FCHSD2: variants seen among roughly 807,000 people sequenced by gnomAD.
The protein encoded by FCHSD2 is F-BAR and double SH3 domains protein 2.
A neutral mutation model predicts 108.1 loss-of-function variants in FCHSD2; 38 were observed. That is an observed-to-expected ratio of 0.35 (90% CI 0.27 to 0.46). The LOEUF is 0.46. FCHSD2 is among the 20% of genes least tolerant of loss of function. The pLI is 1.00. For synonymous variants in FCHSD2, 279 were observed against 314.7 expected (o/e 0.89, Z 1.20); for missense variants, 751 against 897.8 (o/e 0.84, Z 2.09).
At chr11:73,050,945 T>C (rs1858884323) in intron 3 of FCHSD2, among the ~76,000 whole-genome samples, 3 of 152,186 alleles carry the variant, frequency 2.0e-5, no homozygotes, top group Non-Finnish European at 4.4e-5. Flanking sequence ...AACAGGCAAG[T>C]ACAGAAATTG....
At chr11:72,910,436 T>C (rs1273312499) in intron 9 of FCHSD2, among the ~76,000 whole-genome samples, 1 of 152,140 alleles carries the variant, frequency 6.6e-6, no homozygotes, top group African/African-American at 2.4e-5. Context: ...TGTGTCTGTG[T>C]AGAAAGAAGT....
chr11:73,052,869 T>C (rs1032292555), intron 3 of FCHSD2, among the ~76,000 whole-genome samples: 2 of 152,152 alleles, frequency 1.3e-5, no homozygotes, highest in African/African-American at 4.8e-5. Flanking sequence ...CTTTTTGAGA[T>C]GGAGTCTCAC....
intron 8 of FCHSD2, among the ~76,000 whole-genome samples, chr11:72,968,756 A>G (rs1856958424): frequency 6.6e-6 from 1 of 152,210 alleles, no homozygotes. Flanking sequence ...TACAGAAGTC[A>G]GGATGCTCTG....
At chr11:72,840,332 C>T (rs189462062) in intron 19 of FCHSD2, among the ~76,000 whole-genome samples, 20 of 152,238 alleles carry the variant, frequency 1.3e-4, no homozygotes, top group Non-Finnish European at 2.2e-4. Context: ...TAATAGGGGT[C>T]AAGGAAAATA....
At chr11:72,917,598 A>G (rs1855899248) in intron 9 of FCHSD2, among the ~76,000 whole-genome samples, 1 of 152,188 alleles carries the variant, frequency 6.6e-6, no homozygotes. Context: ...ATTAATTCGA[A>G]GACTGGGCCG....
At chr11:73,056,454 A>G (rs1411808156) in intron 3 of FCHSD2, among the ~76,000 whole-genome samples, 1 of 152,228 alleles carries the variant, frequency 6.6e-6, no homozygotes, top group Non-Finnish European at 1.5e-5. Context: ...CCTAGATTCT[A>G]AAAGTCATAC....
intron 5 of FCHSD2, among the ~76,000 whole-genome samples, chr11:72,994,355 T>C (rs1374088146): frequency 6.6e-6 from 1 of 152,174 alleles, no homozygotes; most frequent in Non-Finnish European, 1.5e-5. Flanking sequence ...TATTATCACA[T>C]TTAGTCCTTG....
chr11:72,866,127 C>G (rs72969855), intron 13 of FCHSD2, among the ~76,000 whole-genome samples: 10 of 152,208 alleles, frequency 6.6e-5, no homozygotes, highest in Admixed American at 4.6e-4. Flanking sequence ...CTGTAGAAGC[C>G]CAAATCAAGT....
chr11:73,041,887 T>C (rs562102142), intron 3 of FCHSD2, among the ~76,000 whole-genome samples: 2 of 152,294 alleles, frequency 1.3e-5, no homozygotes, highest in African/African-American at 4.8e-5. Flanking sequence ...TTTTATAGTT[T>C]TGGGTCCTAG....
intron 4 of FCHSD2, among the ~76,000 whole-genome samples, chr11:73,004,979 A>G (rs903144803): frequency 2.0e-5 from 3 of 152,102 alleles, no homozygotes; most frequent in Non-Finnish European, 4.4e-5. Flanking sequence ...GCACCCATAC[A>G]TTATGCCAAT....
chr11:72,936,714 A>G (rs1272980336), intron 8 of FCHSD2, among the ~76,000 whole-genome samples: 1 of 152,194 alleles, frequency 6.6e-6, no homozygotes, highest in Non-Finnish European at 1.5e-5. Flanking sequence ...GAACACTTAT[A>G]GTATATCTTT....
At chr11:73,071,795 T>A (rs1184521415) in intron 3 of FCHSD2, among the ~76,000 whole-genome samples, 1 of 152,060 alleles carries the variant, frequency 6.6e-6, no homozygotes, top group African/African-American at 2.4e-5. Flanking sequence ...GTGTCCACAA[T>A]TATAAAATGG....
At chr11:72,959,419 T>C (rs1174427704) in intron 8 of FCHSD2, among the ~76,000 whole-genome samples, 1 of 149,570 alleles carries the variant, frequency 6.7e-6, no homozygotes, top group East Asian at 2.0e-4. Context: ...GTATTTTTAG[T>C]AGAGACGGGG....
intron 8 of FCHSD2, among the ~76,000 whole-genome samples, chr11:72,975,066 G>A (rs187682335): frequency 4.7e-4 from 72 of 152,296 alleles, no homozygotes; most frequent in Middle Eastern, 3.4e-3. Context: ...AACCGAAAAA[G>A]AACTTGGCTT....
intron 2 of FCHSD2, among the ~76,000 whole-genome samples, chr11:73,139,373 G>A (rs1255347711): frequency 6.6e-6 from 1 of 152,238 alleles, no homozygotes; most frequent in Non-Finnish European, 1.5e-5. Flanking sequence ...AATCTTTGTT[G>A]AACTGTCAGT....
chr11:73,098,367 A>G (rs149082689), intron 2 of FCHSD2, among the ~76,000 whole-genome samples: 87 of 152,270 alleles, frequency 5.7e-4, no homozygotes, highest in Middle Eastern at 3.4e-3. Context: ...GTCCCCTTCT[A>G]TTAATTGATT....
intron 13 of FCHSD2, among the ~76,000 whole-genome samples, chr11:72,859,142 G>A (rs1293518286): frequency 6.6e-6 from 1 of 152,156 alleles, no homozygotes; most frequent in Admixed American, 6.5e-5. Context: ...GTGTGGTTTG[G>A]CTTTCCATGG....
chr11:73,054,756 GC>G lies in FCHSD2; in HGVS notation c.165+28938del, dbSNP rs1858983681. 2.6e-5 allele frequency among the ~76,000 whole-genome samples: 4 copies of G among 152,174 alleles called. No individual in the cohort carries two copies. The South Asian group carries it at 8.3e-4, about 32-fold the overall frequency. ...AGTGGCACAATCATGGCTCACTGCA[GC>G]CTTGACCTCCTGGTCTTAAGTGATC... is the stretch of plus-strand genomic sequence containing the variant. On this transcript the variant is annotated intron_variant, in intron 3 of 19. Coordinates refer to ENST00000409418, the MANE Select transcript of FCHSD2 (RefSeq NM_014824.3).
At chr11:73,141,713 G>A in intron 1 of FCHSD2, 144 bp downstream of exon 1, 1 of 854,268 alleles carries the variant, frequency 1.2e-6, no homozygotes, top group South Asian at 1.8e-5. Context: ...CCCCCCACCT[G>A]GAGCCGGCGG....
Sources: allele counts gnomAD v4.1 joint callset (sites outside exome capture counted in the v4.1 genomes callset), GRCh38; gene constraint gnomAD v4.1.1; transcripts MANE v1.5; gene names NCBI Gene and HGNC (gene_info 2026-07-23, HGNC 2026-07-21).